TMEM135: variants seen among roughly 807,000 people sequenced by gnomAD.
The protein encoded by TMEM135 is peroxisomal membrane protein 52.
Under a neutral mutation model 60.3 loss-of-function variants are expected in TMEM135, and 30 were observed. The ratio of observed to expected loss-of-function variants is 0.50; its 90% CI spans 0.37 to 0.68. The LOEUF (loss-of-function observed/expected upper bound fraction) is 0.68, where lower values mean the gene tolerates loss of function less well. Ranked by LOEUF, TMEM135 falls within the 30% of genes least tolerant of loss-of-function variation. The probability of loss-of-function intolerance (pLI) is 0.00; values close to 1 mark genes in which losing one functional copy is unlikely to be tolerated. For synonymous variants in TMEM135, 190 were observed against 186.7 expected (o/e 1.02, Z -0.14); for missense variants, 468 against 548.8 (o/e 0.85, Z 1.47).
intron 1 of TMEM135, among the ~76,000 whole-genome samples, chr11:87,062,191 A>G (rs1040959620): frequency 9.2e-5 from 14 of 151,522 alleles, no homozygotes; most frequent in Admixed American, 9.2e-4. Flanking sequence ...TTTTTAGTAG[A>G]GATGGTATTT....
intron 5 of TMEM135, among the ~76,000 whole-genome samples, chr11:87,217,775 A>C (rs929982394): frequency 4.0e-5 from 6 of 151,018 alleles, no homozygotes; most frequent in African/African-American, 1.5e-4. Context: ...CAAGAGTGAA[A>C]CTCTGTCTCA....
intron 6 of TMEM135, among the ~76,000 whole-genome samples, chr11:87,269,495 C>G (rs961130156): frequency 4.6e-5 from 7 of 151,776 alleles, no homozygotes; most frequent in African/African-American, 1.5e-4. Context: ...TCCCTCCCCC[C>G]TCCTCCCACC....
chr11:87,082,763 C>T (rs759178840), intron 3 of TMEM135, among the ~76,000 whole-genome samples: 21 of 152,220 alleles, frequency 1.4e-4, no homozygotes, highest in Non-Finnish European at 2.9e-4. Context: ...AATTTAATGT[C>T]AGCAATATAC....
intron 8 of TMEM135, among the ~76,000 whole-genome samples, chr11:87,305,725 G>A (rs1241193771): frequency 6.6e-6 from 1 of 151,978 alleles, no homozygotes; most frequent in Non-Finnish European, 1.5e-5. Flanking sequence ...AGTGAGTTGA[G>A]ATCACGCCCA....
At chr11:87,045,568 A>G (rs1949788854) in intron 1 of TMEM135, among the ~76,000 whole-genome samples, 1 of 152,248 alleles carries the variant, frequency 6.6e-6, no homozygotes, top group African/African-American at 2.4e-5. Flanking sequence ...ATTGGTAGAA[A>G]GAGACCCACC....
intron 4 of TMEM135, among the ~76,000 whole-genome samples, chr11:87,111,097 A>G (rs1299297976): frequency 6.6e-6 from 1 of 152,186 alleles, no homozygotes; most frequent in African/African-American, 2.4e-5. Flanking sequence ...AAACATAGCT[A>G]TAGAGTATAT....
intron 6 of TMEM135, among the ~76,000 whole-genome samples, chr11:87,255,405 C>G (rs975124572): frequency 6.6e-6 from 1 of 152,110 alleles, no homozygotes; most frequent in African/African-American, 2.4e-5. Flanking sequence ...ACAAGGTATC[C>G]AATTTTTCTT....
intron 5 of TMEM135, among the ~76,000 whole-genome samples, chr11:87,175,607 C>T (rs1481235668): frequency 1.3e-5 from 2 of 152,064 alleles, no homozygotes; most frequent in African/African-American, 2.4e-5. Flanking sequence ...AAACAAACAA[C>T]ATCTGTTTAA....
At chr11:87,285,179 A>G (rs939999156) in intron 6 of TMEM135, among the ~76,000 whole-genome samples, 1 of 152,262 alleles carries the variant, frequency 6.6e-6, no homozygotes, top group African/African-American at 2.4e-5. Flanking sequence ...TGTGTCAAAT[A>G]CTAAATTATA....
chr11:87,139,112 G>C (rs1938193695), intron 4 of TMEM135, among the ~76,000 whole-genome samples: 1 of 152,062 alleles, frequency 6.6e-6, no homozygotes, highest in African/African-American at 2.4e-5. Flanking sequence ...ATGAATTTAA[G>C]ATAAAATCTA....
At chr11:87,261,473 T>G (rs1227725601) in intron 6 of TMEM135, among the ~76,000 whole-genome samples, 1 of 152,166 alleles carries the variant, frequency 6.6e-6, no homozygotes, top group Non-Finnish European at 1.5e-5. Context: ...TTTTTAAAAT[T>G]TTGTTAATTG....
intron 1 of TMEM135, among the ~76,000 whole-genome samples, chr11:87,063,035 A>G (rs1011879788): frequency 3.3e-5 from 5 of 152,202 alleles, no homozygotes; most frequent in Non-Finnish European, 5.9e-5. Context: ...TTGCCCCAAT[A>G]TTATAAATTG....
At chr11:87,181,213 G>T (rs1457331994) in intron 5 of TMEM135, among the ~76,000 whole-genome samples, 2 of 152,110 alleles carry the variant, frequency 1.3e-5, no homozygotes, top group African/African-American at 4.8e-5. Context: ...GAGTTCAACA[G>T]CAGAATGGAG....
chr11:87,248,945 A>G (rs1436146923), intron 6 of TMEM135, among the ~76,000 whole-genome samples: 1 of 152,070 alleles, frequency 6.6e-6, no homozygotes, highest in East Asian at 1.9e-4. Context: ...TACTGATTTT[A>G]GTATGTTGAT....
At chr11:87,065,065 A>G (rs374231134) in intron 1 of TMEM135, among the ~76,000 whole-genome samples, 2 of 152,086 alleles carry the variant, frequency 1.3e-5, no homozygotes, top group South Asian at 4.1e-4. Flanking sequence ...TCATGGCTAT[A>G]TCACAATTTG....
At chr11:87,054,176 T>A (rs1470696716) in intron 1 of TMEM135, among the ~76,000 whole-genome samples, 1 of 151,864 alleles carries the variant, frequency 6.6e-6, no homozygotes, top group Non-Finnish European at 1.5e-5. Flanking sequence ...GGCTTACACC[T>A]GTAATCCCAG....
chr11:87,259,734 G>A (rs1329515444), intron 6 of TMEM135, among the ~76,000 whole-genome samples: 1 of 152,204 alleles, frequency 6.6e-6, no homozygotes, highest in African/African-American at 2.4e-5. Flanking sequence ...TCAGATGTGT[G>A]ATTGAGTCAC....
chr11:87,040,897 G>T (rs1029718193), intron 1 of TMEM135, among the ~76,000 whole-genome samples: 2 of 152,082 alleles, frequency 1.3e-5, no homozygotes, highest in Admixed American at 6.6e-5. Flanking sequence ...AGGTGGGTAG[G>T]GAAGGCCTCT....
intron 10 of TMEM135, among the ~76,000 whole-genome samples, chr11:87,310,624 TA>T (rs11317985): frequency 0.18 from 23,626 of 130,254 alleles, 1,883 homozygotes; most frequent in Non-Finnish European, 0.21. Context: ...AAGTTGCAAT[TA>T]AAAAAAAAAA....
Sources: gnomAD v4.1 joint callset for allele counts (sites outside exome capture counted in the v4.1 genomes callset) on GRCh38, gnomAD v4.1.1 for gene constraint, MANE v1.5 for transcripts, NCBI Gene and HGNC (gene_info 2026-07-23, HGNC 2026-07-21) for gene names.